RBM28: variants seen among roughly 807,000 people sequenced by gnomAD.
RBM28 encodes RNA binding motif protein 28, also known as RNA-binding protein 28.
Under a neutral mutation model 98.3 loss-of-function variants are expected in RBM28, and 78 were observed. The observed-to-expected ratio is 0.79, with a 90% CI of 0.66 to 0.96. The LOEUF is 0.96. RBM28 is among the 40% of genes least tolerant of loss of function. The pLI is 0.00. For synonymous variants in RBM28, 306 were observed against 330.9 expected, an observed-to-expected ratio of 0.92 and a Z score of 0.82; for missense variants, 838 against 913.0, an observed-to-expected ratio of 0.92 and a Z score of 1.06.
At position 128,319,992 on chromosome 7, in the gene RBM28, C is replaced by A. The variant is rs566822467; in HGVS notation, c.1563+1274G>T. Among the ~76,000 whole-genome samples the A allele has an allele frequency of 2.6e-5, 4 of 151,994 alleles. No individual in the cohort carries two copies. In the East Asian group the frequency reaches 7.8e-4, roughly 30 times the overall value. ...CAGCACTTTGGGAGGCCGAGGCAGG[C>A]GGATCACTTGAGGTCAAGAGATCGA... is the stretch of plus-strand genomic sequence containing the variant. On this transcript the variant is annotated intron_variant, in intron 14 of 18. Coordinates refer to ENST00000223073, the MANE Select transcript of RBM28 (RefSeq NM_018077.3).
chr7:128,315,030 A>G lies in RBM28; in HGVS notation c.1789-10T>C. On this transcript the variant is annotated splice_polypyrimidine_tract_variant and intron_variant, in intron 16 of 18. Coordinates refer to ENST00000223073, the MANE Select transcript of RBM28 (RefSeq NM_018077.3). ...TGGATCTCATTTTTTGCTGCATAAA[A>G]CAAGAAAATGCCATCTGGTTTCTGG... 1 of 1,614,222 alleles carries G rather than the reference A, an allele frequency of 6.2e-7. No individual in the cohort carries two copies. The highest frequency in any genetic ancestry group is 1.1e-5 in the South Asian group (1 of 91,086).
In RBM28 at chr7:128,316,582, G is replaced by C. The variant is rs1796112735; in HGVS notation, c.1788+1077C>G. Among the ~76,000 whole-genome samples the C allele has an allele frequency of 5.3e-5, 8 of 152,264 alleles. No homozygotes were observed. In the South Asian group the frequency reaches 1.4e-3, roughly 28 times the overall value. On this transcript the variant is annotated intron_variant, in intron 16 of 18. Transcript: ENST00000223073. Reference sequence around the variant, plus strand: ...ACAAAAATTAGCCGGGTATGGTGGTGTGCACCTGTAGTCCCAGCTACTCAG... The same window carrying C: ...ACAAAAATTAGCCGGGTATGGTGGTCTGCACCTGTAGTCCCAGCTACTCAG...
intron 10 of RBM28, among the ~76,000 whole-genome samples, chr7:128,328,830 G>C (rs1444020228): frequency 6.6e-6 from 1 of 152,130 alleles, no homozygotes; most frequent in African/African-American, 2.4e-5. Flanking sequence ...TCATTTTACA[G>C]ATGAAAACCT....
At chr7:128,339,964 A>G (rs1291589173) in intron 1 of RBM28, among the ~76,000 whole-genome samples, 173 bp from the exon 2 acceptor site, 1 of 152,214 alleles carries the variant, frequency 6.6e-6, no homozygotes, top group Non-Finnish European at 1.5e-5. Context: ...CAAGGGTGGT[A>G]TCAGTGGTTC....
In RBM28 at chr7:128,321,412, TC is replaced by T; in HGVS notation, c.1416del (p.Lys473SerfsTer26). On this transcript the variant is annotated frameshift_variant, in exon 14 of 19. Coordinates refer to ENST00000223073, the MANE Select transcript of RBM28 (RefSeq NM_018077.3). LOFTEE classifies it high-confidence loss of function. ...DMAKRERFEL[L>X]KHQKLKDQNI... ...TTCTGGTCCTTGAGTTTCTGATGCT[TC>T]AGCAGCTCAAACTGAAAGAACAACC... 1 of 1,614,152 alleles carries T rather than the reference TC, an allele frequency of 6.2e-7. No homozygotes were observed. The highest frequency in any genetic ancestry group is 1.1e-5 in the South Asian group (1 of 91,082).
Position 128,299,246 on chromosome 7 carries a change from A to C in RBM28, c.*11551T>G, listed in dbSNP as rs1795749861. ...TAGTTTCCAGCAGAAAGGCAAGGCA[A>C]GGCAGGGAAGCAGGCTTAGGATTGG... On this transcript the variant is annotated 3_prime_UTR_variant, in exon 19 of 19. Coordinates refer to ENST00000223073, the MANE Select transcript of RBM28 (RefSeq NM_018077.3). The C allele has an allele frequency of 6.6e-6, 1 of 152,268 alleles. No individual in the cohort carries two copies. Among genetic ancestry groups the C allele is most frequent in the South Asian group, 2.1e-4 (1 of 4,830 alleles). 9.4% of individuals were successfully genotyped at this position (152,268 alleles called of 1,614,324 possible).
In RBM28 at chr7:128,338,741, T is replaced by C; in HGVS notation, c.433A>G (p.Ile145Val). ...TTATTAGTACCTGGTTTCCTAGGGA[T>C]ATTTACTTCCAGGACAGCTCCAAAT... ...AQFGAVLEVN[I>V]PRKPDGKMRG... Residue 145 changes from isoleucine (I) to valine (V), a missense_variant, in exon 4 of 19, where the codon ATC becomes GTC. Physicochemically the swap from Ile to Val is conservative, Grantham distance 29. Transcript: ENST00000223073. 6.2e-7 allele frequency: 1 copy of C among 1,604,556 alleles called. No homozygotes were observed. The highest frequency in any genetic ancestry group is 8.5e-7 in the Non-Finnish European group (1 of 1,171,372).
At chr7:128,337,095 C>T (rs761801238) in intron 6 of RBM28, 36 bp downstream of exon 6, 7 of 1,601,854 alleles carry the variant, frequency 4.4e-6, no homozygotes, top group Admixed American at 1.7e-5. Flanking sequence ...CCAGGTTATA[C>T]AACGCCCCTA....
rs1461925832 is a variant in RBM28, at chr7:128,299,339, GGAGT to G, written c.*11454_*11457del. The G allele has an allele frequency of 6.6e-6, 1 of 152,232 alleles. No individual in the cohort carries two copies. Among genetic ancestry groups the G allele is most frequent in the Non-Finnish European group, 1.5e-5 (1 of 68,054 alleles). 9.4% of individuals were successfully genotyped at this position (152,232 alleles called of 1,614,324 possible). On this transcript the variant is annotated 3_prime_UTR_variant, in exon 19 of 19. Coordinates refer to ENST00000223073, the MANE Select transcript of RBM28 (RefSeq NM_018077.3). ...CCCTAGTTGTCCCATGCCTGGCCCT[GGAGT>G]GATTTAGGGCAGGGGGAATATTGGC...
rs570371274 is a variant in RBM28, at chr7:128,310,393, G to C, written c.*404C>G. 5.3e-5 allele frequency: 15 copies of C among 281,800 alleles called. No individual in the cohort carries two copies. The highest frequency in any genetic ancestry group is 1.0e-4 in the Non-Finnish European group (15 of 146,132). The allele number at this position is 281,800 out of a possible 1,614,324, so 17.5% of individuals were successfully genotyped here. A position where few individuals can be genotyped will look rare whatever the true frequency, so the allele number is the denominator to read the frequency against. ...TAAAGGAGTCACACATATTAGAAAT[G>C]ACGTTGTTACTAAAAAGCCACACAA... On this transcript the variant is annotated 3_prime_UTR_variant, in exon 19 of 19. Coordinates refer to ENST00000223073, the MANE Select transcript of RBM28 (RefSeq NM_018077.3).
chr7:128,322,046 CAA>C (rs10633144), intron 13 of RBM28, among the ~76,000 whole-genome samples: 2 of 143,866 alleles, frequency 1.4e-5, no homozygotes, highest in African/African-American at 2.6e-5. Flanking sequence ...GAAATTCGGT[CAA>C]AAAAAAAAAA....
rs762653060 is a variant in RBM28, at chr7:128,314,864, C to T, written c.1945G>A (p.Gly649Arg). 49 of 1,614,054 alleles carry T rather than the reference C, an allele frequency of 3.0e-5. No homozygotes were observed. The South Asian group carries it at 5.1e-4, about 17-fold the overall frequency. The stretch of plus-strand genomic sequence containing the variant: ...TCCACTTCAGCCTTGGTCTGGAACC[C>T]GGTCCATGAGGTAGAGCCCGCCTTT... ...KRKAGSTSWT[G>R]FQTKAEVEQV... is the part of the protein sequence containing the mutation. Residue 649 changes from glycine (G) to arginine (R), a missense_variant, in exon 17 of 19, where the codon GGG (glycine) becomes AGG (arginine). Transcript: ENST00000223073.
At position 128,325,871 on chromosome 7, in the gene RBM28, T is replaced by G. The variant is rs117445229; in HGVS notation, c.1150A>C (p.Met384Leu). Residue 384 changes from methionine (M) to leucine (L), a missense_variant, in exon 11 of 19, where the codon ATG becomes CTG. By Grantham distance (15) the Met-to-Leu change is conservative. Coordinates refer to ENST00000223073, the MANE Select transcript of RBM28 (RefSeq NM_018077.3). Reference sequence around the variant, plus strand: ...CATTTCTGAGCTGCTTCTTGAGTCATGAACTGGGCAAATGCACAACCTGCA... The same window carrying G: ...CATTTCTGAGCTGCTTCTTGAGTCAGGAACTGGGCAAATGCACAACCTGCA... ...HSKGCAFAQF[M>L]TQEAAQKCLL... 0.03 allele frequency: 47,868 copies of G among 1,613,530 alleles called. 817 individuals are homozygous for G. The highest frequency in any genetic ancestry group is 0.034 in the Non-Finnish European group (39,804 of 1,179,676).
chr7:128,331,295 TA>T (rs1796475781), intron 9 of RBM28, among the ~76,000 whole-genome samples: 1 of 150,282 alleles, frequency 6.7e-6, no homozygotes, highest in South Asian at 2.1e-4. Flanking sequence ...GCTATATGCT[TA>T]GATTAATGTA....
At chr7:128,310,961 T>C (rs776852336) in intron 18 of RBM28, 30 bp from the exon 19 acceptor site, 8 of 1,600,912 alleles carry the variant, frequency 5.0e-6, no homozygotes, top group Non-Finnish European at 6.8e-6. Context: ...AAACATAATA[T>C]AATCAATTTC....
Position 128,297,999 on chromosome 7 carries a change from AG to A in RBM28, c.*12797del, listed in dbSNP as rs1202976945. The A allele has an allele frequency of 7.6e-5, 6 of 79,336 alleles. No homozygotes were observed. The highest frequency in any genetic ancestry group is 1.4e-4 in the Non-Finnish European group (6 of 42,182). 4.9% of individuals were successfully genotyped at this position (79,336 alleles called of 1,614,324 possible). On this transcript the variant is annotated 3_prime_UTR_variant, in exon 19 of 19. Coordinates refer to ENST00000223073, the MANE Select transcript of RBM28 (RefSeq NM_018077.3). ...CTGGGGACTATTGAGGGGTGGGGGGAGGGGGGAGGGATAGCATTGGGAGATA... is the reference window on the plus strand; with the variant it reads ...CTGGGGACTATTGAGGGGTGGGGGGAGGGGGAGGGATAGCATTGGGAGATA...
At chr7:128,335,398 G>T in intron 8 of RBM28, 145 bp downstream of exon 8, 1 of 1,003,430 alleles carries the variant, frequency 1.0e-6, no homozygotes. Context: ...GAGTATAAAG[G>T]TTTCCTTTTC....
At chr7:128,342,940 T>A (rs143127680) in intron 1 of RBM28, among the ~76,000 whole-genome samples, 223 of 152,194 alleles carry the variant, frequency 1.5e-3, no homozygotes, top group African/African-American at 5.2e-3. Context: ...CTTCACCCCC[T>A]CTCCCCACTA....
At chr7:128,337,375 C>T (rs759657412) in intron 5 of RBM28, among the ~76,000 whole-genome samples, 173 bp from the exon 6 acceptor site, 1 of 152,092 alleles carries the variant, frequency 6.6e-6, no homozygotes, top group Non-Finnish European at 1.5e-5. Flanking sequence ...TCCTTTTAAC[C>T]CTTAACCTTT....
Sources: gnomAD v4.1 joint callset for allele counts (sites outside exome capture counted in the v4.1 genomes callset) on GRCh38, gnomAD v4.1.1 for gene constraint, MANE v1.5 for transcripts, NCBI Gene and HGNC (gene_info 2026-07-23, HGNC 2026-07-21) for gene names.